MYO9A: variants seen among roughly 807,000 people sequenced by gnomAD.
MYO9A encodes the protein unconventional myosin-IXa.
MYO9A carries 103 observed loss-of-function variants against 293.3 expected under a neutral mutation model. The observed-to-expected ratio is 0.35, with a 90% CI of 0.30 to 0.41. MYO9A has a LOEUF of 0.41. Ranked by LOEUF, MYO9A falls within the 10% of genes least tolerant of loss-of-function variation. MYO9A has a pLI of 1.00. For missense variants in MYO9A, 2,685 were observed against 3,033.0 expected (o/e 0.89, Z 2.69); for synonymous variants, 1,001 against 1,035.7 (o/e 0.97, Z 0.64).
chr15:71,923,153 T>A (rs538191325), intron 18 of MYO9A, among the ~76,000 whole-genome samples: 26 of 152,232 alleles, frequency 1.7e-4, no homozygotes, highest in Non-Finnish European at 2.1e-4. Context: ...ATTTTTTCCC[T>A]TAATTCTGTT....
chr15:71,946,634 C>T (rs1269765326), intron 15 of MYO9A, among the ~76,000 whole-genome samples: 1 of 152,206 alleles, frequency 6.6e-6, no homozygotes, highest in Non-Finnish European at 1.5e-5. Flanking sequence ...TGTGGCTATA[C>T]AAACACATTA....
In MYO9A at chr15:72,093,499, G is replaced by A. The variant is rs561114675; in HGVS notation, c.-72+24181C>T. 3.9e-5 allele frequency among the ~76,000 whole-genome samples: 6 copies of A among 152,258 alleles called. No homozygotes were observed. The South Asian group carries it at 1.2e-3, about 32-fold the overall frequency. On this transcript the variant is annotated intron_variant, in intron 1 of 41. Transcript: ENST00000356056. ...TGCAGTGAGCCGAGATCACACCACT[G>A]CACTCCGCCCTGGGCAACAGAGAAA...
intron 1 of MYO9A, among the ~76,000 whole-genome samples, chr15:72,089,335 T>C (rs938587435): frequency 2.0e-5 from 3 of 152,034 alleles, no homozygotes; most frequent in Admixed American, 6.6e-5. Context: ...GCTAATTTTT[T>C]AATTTTTTTG....
chr15:71,983,898 G>C (rs1567346807), intron 11 of MYO9A, among the ~76,000 whole-genome samples: 1 of 152,170 alleles, frequency 6.6e-6, no homozygotes, highest in African/African-American at 2.4e-5. Flanking sequence ...CTGTACCTGA[G>C]CTACAATAGG....
chr15:71,991,846 G>A (rs181146995), intron 10 of MYO9A, among the ~76,000 whole-genome samples: 19 of 152,202 alleles, frequency 1.2e-4, no homozygotes, highest in East Asian at 1.9e-4. Context: ...CTCTGCCACC[G>A]GGGTTCATGC....
At chr15:71,942,099 T>C (rs959888030) in intron 15 of MYO9A, among the ~76,000 whole-genome samples, 6 of 151,988 alleles carry the variant, frequency 3.9e-5, no homozygotes, top group Non-Finnish European at 5.9e-5. Flanking sequence ...TTAAATACAA[T>C]GTGTGTATAT....
In MYO9A at chr15:71,826,287, G is replaced by T; in HGVS notation, c.*293C>A. The stretch of plus-strand genomic sequence containing the variant: ...ACCCACCTTTGGGAAGGGAAAAGAG[G>T]GTGGGGGAGAGGCAACTACAACTGA... On this transcript the variant is annotated 3_prime_UTR_variant, in exon 42 of 42. Transcript: ENST00000356056. 6.3e-6 allele frequency: 2 copies of T among 317,250 alleles called. No individual in the cohort carries two copies. Among genetic ancestry groups the T allele is most frequent in the Non-Finnish European group, 1.2e-5 (2 of 173,860 alleles). 19.7% of individuals were successfully genotyped at this position (317,250 alleles called of 1,614,324 possible). A position where few individuals can be genotyped will look rare whatever the true frequency, so the allele number is the denominator to read the frequency against.
At chr15:71,942,493 T>C (rs538880695) in intron 15 of MYO9A, among the ~76,000 whole-genome samples, 11 of 152,198 alleles carry the variant, frequency 7.2e-5, no homozygotes, top group Middle Eastern at 3.4e-3. Context: ...AATTGATACA[T>C]CTGGAATTTT....
At chr15:72,099,201 G>A (rs2080172021) in intron 1 of MYO9A, among the ~76,000 whole-genome samples, 1 of 152,052 alleles carries the variant, frequency 6.6e-6, no homozygotes, top group South Asian at 2.1e-4. Flanking sequence ...CACTTTGGGA[G>A]GCTGAGGCAG....
At position 72,032,478 on chromosome 15, in the gene MYO9A, A is replaced by G; in HGVS notation, c.935+16T>C. The G allele has an allele frequency of 6.6e-7, 1 of 1,510,350 alleles. No individual in the cohort carries two copies. The highest frequency in any genetic ancestry group is 9.0e-7 in the Non-Finnish European group (1 of 1,113,490). The allele number at this position is 1,510,350 out of a possible 1,614,324, so 93.6% of individuals were successfully genotyped here. A position where few individuals can be genotyped will look rare whatever the true frequency, so the allele number is the denominator to read the frequency against. On this transcript the variant is annotated intron_variant, in intron 3 of 41. Transcript: ENST00000356056. ...ACATGCTCCAAAGCCTACGCCTGCTAAGTAGCAGTACTTACCCAAGTACAG... is the reference window on the plus strand; with the variant it reads ...ACATGCTCCAAAGCCTACGCCTGCTGAGTAGCAGTACTTACCCAAGTACAG...
intron 39 of MYO9A, among the ~76,000 whole-genome samples, chr15:71,842,721 G>T (rs1019614222): frequency 6.6e-6 from 1 of 151,820 alleles, no homozygotes; most frequent in Admixed American, 6.6e-5. Flanking sequence ...TCAGCCGGGC[G>T]TGGTGGCGGG....
At chr15:72,049,878 C>G (rs973405293) in intron 1 of MYO9A, among the ~76,000 whole-genome samples, 1 of 152,162 alleles carries the variant, frequency 6.6e-6, no homozygotes, top group Non-Finnish European at 1.5e-5. Context: ...AGGTTAAAGA[C>G]CACTGTACTA....
intron 6 of MYO9A, among the ~76,000 whole-genome samples, chr15:72,013,917 C>T (rs1416989597): frequency 2.0e-5 from 3 of 152,158 alleles, no homozygotes; most frequent in Non-Finnish European, 2.9e-5. Context: ...AGTGGTCCAC[C>T]TCACCCTCTT....
At chr15:72,070,223 C>G (rs1174210442) in intron 1 of MYO9A, among the ~76,000 whole-genome samples, 1 of 151,746 alleles carries the variant, frequency 6.6e-6, no homozygotes. Context: ...AGATGGATCA[C>G]CTGAGGCCAC....
intron 16 of MYO9A, among the ~76,000 whole-genome samples, chr15:71,936,507 T>G (rs1354170810): frequency 1.3e-5 from 2 of 152,102 alleles, no homozygotes; most frequent in East Asian, 3.9e-4. Flanking sequence ...CACAAAAAAA[T>G]GACACATATT....
intron 15 of MYO9A, among the ~76,000 whole-genome samples, chr15:71,942,263 T>C (rs2059108573): frequency 6.6e-6 from 1 of 152,080 alleles, no homozygotes; most frequent in Non-Finnish European, 1.5e-5. Flanking sequence ...AAAACTGACT[T>C]ATAGTAATAA....
chr15:71,876,259 T>G (rs1177633764), intron 31 of MYO9A, among the ~76,000 whole-genome samples: 1 of 151,262 alleles, frequency 6.6e-6, no homozygotes, highest in Non-Finnish European at 1.5e-5. Flanking sequence ...TGAATTCTCC[T>G]GCCTCGGCCT....
intron 6 of MYO9A, among the ~76,000 whole-genome samples, chr15:72,018,325 G>C (rs369014884): frequency 1.3e-5 from 2 of 151,924 alleles, no homozygotes; most frequent in African/African-American, 4.8e-5. Context: ...AAAATCAACC[G>C]GGCATGGTGG....
intron 1 of MYO9A, among the ~76,000 whole-genome samples, chr15:72,097,827 T>C (rs890088308): frequency 2.6e-5 from 4 of 152,098 alleles, no homozygotes; most frequent in Non-Finnish European, 4.4e-5. Context: ...GGAGAATCGC[T>C]TGAACCCAGG....
Sources: allele counts gnomAD v4.1 joint callset (sites outside exome capture counted in the v4.1 genomes callset), GRCh38; gene constraint gnomAD v4.1.1; transcripts MANE v1.5; gene names NCBI Gene and HGNC (gene_info 2026-07-23, HGNC 2026-07-21).